DTHD1: variants seen among roughly 807,000 people sequenced by gnomAD.
DTHD1 encodes death domain containing 1.
DTHD1 carries 59 observed loss-of-function variants against 74.8 expected under a neutral mutation model. That is an observed-to-expected ratio of 0.79 (90% CI 0.64 to 0.98). The LOEUF is 0.98. Among genes scored for constraint, DTHD1 ranks in the 50% least tolerant of loss-of-function variants. DTHD1 has a pLI of 0.00. For synonymous variants in DTHD1, 365 were observed against 371.1 expected (o/e 0.98, Z 0.19); for missense variants, 1,051 against 1,065.4 (o/e 0.99, Z 0.19).
intron 5 of DTHD1, among the ~76,000 whole-genome samples, chr4:36,296,229 G>A (rs141152209): frequency 6.6e-6 from 1 of 151,916 alleles, no homozygotes; most frequent in Non-Finnish European, 1.5e-5. Context: ...GGGGAATCAG[G>A]GTTTTCATCC....
At chr4:36,328,880 A>G (rs1432597972) in intron 8 of DTHD1, among the ~76,000 whole-genome samples, 1 of 152,220 alleles carries the variant, frequency 6.6e-6, no homozygotes, top group Non-Finnish European at 1.5e-5. Flanking sequence ...ACAATGTCCA[A>G]TCAGGGCCTA....
At chr4:36,316,631 T>C in intron 8 of DTHD1, 145 bp downstream of exon 8, 2 of 782,170 alleles carry the variant, frequency 2.6e-6, no homozygotes, top group Admixed American at 6.2e-5. Flanking sequence ...GTAGGTCCAA[T>C]TTTAGAGTAT....
intron 9 of DTHD1, among the ~76,000 whole-genome samples, chr4:36,341,679 A>G (rs1759320447): frequency 6.6e-6 from 1 of 152,212 alleles, no homozygotes; most frequent in Admixed American, 6.5e-5. Context: ...ACTGAATGCA[A>G]TCTGAATAAC....
chr4:36,326,049 C>T (rs1758324444), intron 8 of DTHD1, among the ~76,000 whole-genome samples: 1 of 152,148 alleles, frequency 6.6e-6, no homozygotes, highest in African/African-American at 2.4e-5. Context: ...AGCTCATCGT[C>T]ATAACCTTTT....
chr4:36,287,795 G>C (rs1001462594), intron 2 of DTHD1, among the ~76,000 whole-genome samples: 3 of 152,196 alleles, frequency 2.0e-5, no homozygotes, highest in African/African-American at 7.2e-5. Flanking sequence ...TTTGATAATT[G>C]TTTATACATG....
At chr4:36,290,934 T>C (rs1756041167) in intron 3 of DTHD1, among the ~76,000 whole-genome samples, 1 of 152,232 alleles carries the variant, frequency 6.6e-6, no homozygotes, top group Non-Finnish European at 1.5e-5. Flanking sequence ...TACCAAATGT[T>C]ATTTTTTTCA....
intron 8 of DTHD1, among the ~76,000 whole-genome samples, chr4:36,334,643 A>T (rs1758901434): frequency 6.6e-6 from 1 of 152,214 alleles, no homozygotes; most frequent in African/African-American, 2.4e-5. Flanking sequence ...TATAGGCATG[A>T]GCCACCATGC....
intron 4 of DTHD1, among the ~76,000 whole-genome samples, chr4:36,293,992 T>C (rs928598500): frequency 5.9e-5 from 9 of 152,050 alleles, no homozygotes; most frequent in African/African-American, 2.2e-4. Context: ...TTATGTTGCA[T>C]GGCTATGAAA....
rs575387330 is a variant in DTHD1, at chr4:36,310,595, G to A, written c.2095+2102G>A. Among the ~76,000 whole-genome samples the A allele has an allele frequency of 2.0e-5, 3 of 152,142 alleles. No homozygotes were observed. In the East Asian group the frequency reaches 5.8e-4, roughly 29 times the overall value. On this transcript the variant is annotated intron_variant, in intron 7 of 9. Coordinates refer to ENST00000639862, the MANE Select transcript of DTHD1 (RefSeq NM_001170700.3). Reference sequence around the variant, plus strand: ...GCTCCGTTTACTTATAAATTAATATGGATCCGATTTAATTTTATTATGCCT... The same window carrying A: ...GCTCCGTTTACTTATAAATTAATATAGATCCGATTTAATTTTATTATGCCT...
intron 2 of DTHD1, among the ~76,000 whole-genome samples, chr4:36,287,959 A>T (rs2109446671): frequency 6.6e-6 from 1 of 152,036 alleles, no homozygotes; most frequent in South Asian, 2.1e-4. Context: ...CTGATTGTTT[A>T]TGTTGCTGTG....
At chr4:36,309,015 A>G (rs1055738018) in intron 7 of DTHD1, among the ~76,000 whole-genome samples, 6 of 152,310 alleles carry the variant, frequency 3.9e-5, no homozygotes, top group Admixed American at 1.3e-4. Context: ...ATAGATCTAT[A>G]TTTCAGTATT....
chr4:36,300,127 C>T (rs746097905), intron 5 of DTHD1, among the ~76,000 whole-genome samples: 6 of 152,074 alleles, frequency 3.9e-5, no homozygotes, highest in Non-Finnish European at 7.4e-5. Context: ...AGTCTTTGGG[C>T]GTGTTTATAT....
chr4:36,310,311 A>G (rs971691718), intron 7 of DTHD1, among the ~76,000 whole-genome samples: 4 of 152,216 alleles, frequency 2.6e-5, no homozygotes, highest in Non-Finnish European at 5.9e-5. Context: ...AGATGAAGAG[A>G]AAGAGAAAAG....
chr4:36,321,894 C>G (rs1758054354), intron 8 of DTHD1, among the ~76,000 whole-genome samples: 1 of 152,200 alleles, frequency 6.6e-6, no homozygotes, highest in South Asian at 2.1e-4. Flanking sequence ...CAGTGACCCT[C>G]TTGAGTTTTT....
chr4:36,320,967 CATAATT>C (rs1285570844), intron 8 of DTHD1, among the ~76,000 whole-genome samples: 1 of 152,138 alleles, frequency 6.6e-6, no homozygotes, highest in Non-Finnish European at 1.5e-5. Flanking sequence ...GAACCACACA[CATAATT>C]ATAATGTGTG....
intron 8 of DTHD1, among the ~76,000 whole-genome samples, chr4:36,323,426 T>G (rs550053556): frequency 6.6e-6 from 1 of 152,126 alleles, no homozygotes; most frequent in South Asian, 2.1e-4. Context: ...CCAAAGCAAT[T>G]TTGACTAGAT....
rs554146987 is a variant in DTHD1 at position 36,343,558 on chromosome 4, G to A, written c.2455G>A (p.Ala819Thr). 1.3e-6 allele frequency: 2 copies of A among 1,551,556 alleles called. No individual in the cohort carries two copies. The highest frequency in any genetic ancestry group is 1.2e-5 in the South Asian group (1 of 84,058). Reference protein sequence around the residue: ...WLAEELSEENAESLSSTLPLR... With the variant: ...WLAEELSEENTESLSSTLPLR... ...GGCTGAGGAGCTCTCAGAAGAAAAT[G>A]CTGAGTCTCTTTCCTCAACTCTCCC... is the stretch of plus-strand genomic sequence containing the variant. The change falls in exon 10 of 10, where the codon GCT becomes ACT. Residue 819 changes from alanine (A) to threonine (T), a missense_variant. Physicochemically the swap from Ala to Thr is moderately conservative, Grantham distance 58. Coordinates refer to ENST00000639862, the MANE Select transcript of DTHD1 (RefSeq NM_001170700.3).
chr4:36,346,517 C>T lies in DTHD1; in HGVS notation c.*2693C>T, dbSNP rs1759595324. On this transcript the variant is annotated 3_prime_UTR_variant, in exon 10 of 10. Transcript: ENST00000639862. ...CAATTGATCATCCCTGCAGCATCTCCTCTCTTAAGATAATCCAGGAAATCA... is the reference window on the plus strand; with the variant it reads ...CAATTGATCATCCCTGCAGCATCTCTTCTCTTAAGATAATCCAGGAAATCA... Among the ~76,000 whole-genome samples the T allele has an allele frequency of 6.6e-6, 1 of 152,012 alleles. No individual in the cohort carries two copies. Among genetic ancestry groups the T allele is most frequent in the Non-Finnish European group, 1.5e-5 (1 of 67,998 alleles).
At chr4:36,335,072 A>G (rs1040879833) in intron 8 of DTHD1, among the ~76,000 whole-genome samples, 9 of 152,260 alleles carry the variant, frequency 5.9e-5, no homozygotes, top group African/African-American at 1.9e-4. Flanking sequence ...AAGTTGTTAG[A>G]TAAATTGTGT....
Sources: gnomAD v4.1 joint callset for allele counts (sites outside exome capture counted in the v4.1 genomes callset) on GRCh38, gnomAD v4.1.1 for gene constraint, MANE v1.5 for transcripts, NCBI Gene and HGNC (gene_info 2026-07-23, HGNC 2026-07-21) for gene names.